MAPK8IP3: variants seen among roughly 807,000 people sequenced by gnomAD.
The protein encoded by MAPK8IP3 is mitogen-activated protein kinase 8 interacting protein 3.
In MAPK8IP3, 49 loss-of-function variants were observed where a neutral mutation model predicts 157.8. The ratio of observed to expected loss-of-function variants is 0.31; its 90% CI spans 0.25 to 0.39. The LOEUF is 0.39. Among genes scored for constraint, MAPK8IP3 ranks in the 10% least tolerant of loss-of-function variants. MAPK8IP3 has a pLI of 1.00. For synonymous variants in MAPK8IP3, 897 were observed against 777.7 expected (o/e 1.15, Z -2.55); for missense variants, 1,478 against 1,889.4 (o/e 0.78, Z 4.04).
chr16:1,725,310 G>A (rs1293338172), intron 2 of MAPK8IP3, among the ~76,000 whole-genome samples: 2 of 151,190 alleles, frequency 1.3e-5, no homozygotes, highest in Non-Finnish European at 2.9e-5. Context: ...TGCCGTGTGG[G>A]CACACAGAGA....
intron 1 of MAPK8IP3, among the ~76,000 whole-genome samples, chr16:1,717,562 T>C (rs2038237002): frequency 6.6e-6 from 1 of 152,248 alleles, no homozygotes; most frequent in South Asian, 2.1e-4. Flanking sequence ...GTTAGATAGG[T>C]GGTCGTGTCA....
rs2042288087 is a variant in MAPK8IP3, at chr16:1,766,770, C to A, written c.2987C>A (p.Ser996Tyr). ...AVANWKKCLHSIKLKDSVLSL... is the reference protein window; with the variant it reads ...AVANWKKCLHYIKLKDSVLSL... The stretch of plus-strand genomic sequence containing the variant: ...GCCAACTGGAAGAAGTGCCTGCACT[C>A]CATCAAGCTGAAGGATTCTGTGCTG... Residue 996 changes from serine (S) to tyrosine (Y), a missense_variant, in exon 24 of 32, where the codon TCC (serine) becomes TAC (tyrosine). By Grantham distance (144) the Ser-to-Tyr change is moderately radical (BLOSUM62 -2). Transcript: ENST00000610761. 1 of 1,612,756 alleles carries A rather than the reference C, an allele frequency of 6.2e-7. No individual in the cohort carries two copies. The highest frequency in any genetic ancestry group is 1.7e-5 in the Admixed American group (1 of 60,006).
chr16:1,707,369 G>T (rs1410169065), intron 1 of MAPK8IP3: 3 of 152,266 alleles, frequency 2.0e-5, no homozygotes, highest in Non-Finnish European at 4.4e-5. Flanking sequence ...TGATGTCTTT[G>T]CCCCCTTGGT....
intron 8 of MAPK8IP3, among the ~76,000 whole-genome samples, chr16:1,749,245 C>CA (rs1189993847): frequency 6.6e-6 from 1 of 152,188 alleles, no homozygotes; most frequent in African/African-American, 2.4e-5. Flanking sequence ...GTGGGGCAGC[C>CA]ACCCCCATGA....
intron 26 of MAPK8IP3, 108 bp downstream of exon 26, chr16:1,767,405 C>A: frequency 1.3e-6 from 2 of 1,516,660 alleles, no homozygotes; most frequent in Non-Finnish European, 1.8e-6. Flanking sequence ...GTCCCATCTC[C>A]CCTGTACCAC....
chr16:1,756,460 G>T (rs971535600), intron 8 of MAPK8IP3, among the ~76,000 whole-genome samples: 1 of 152,034 alleles, frequency 6.6e-6, no homozygotes, highest in African/African-American at 2.4e-5. Flanking sequence ...TCACTCCAAC[G>T]TGGGTGACAG....
rs2141879839 is a variant in MAPK8IP3 at position 1,751,659 on chromosome 16, C to G, written c.1216+2939C>G. 6.6e-6 allele frequency: 1 copy of G among 152,328 alleles called. No homozygotes were observed. Among genetic ancestry groups the G allele is most frequent in the Admixed American group, 6.5e-5 (1 of 15,300 alleles). 9.4% of individuals were successfully genotyped at this position (152,328 alleles called of 1,614,324 possible). A position where few individuals can be genotyped will look rare whatever the true frequency, so the allele number is the denominator to read the frequency against. Reference sequence around the variant, plus strand: ...TGGGTCTTAGCATGCTCGGTGTTGACAGTCACATCGTCTTCACCCCCAAAA... The same window carrying G: ...TGGGTCTTAGCATGCTCGGTGTTGAGAGTCACATCGTCTTCACCCCCAAAA... On this transcript the variant is annotated intron_variant, in intron 8 of 31. Transcript: ENST00000610761. This position sits in a 1 kb window ranked among gnomAD's most constrained non-coding sequence, Gnocchi z 5.0.
chr16:1,734,165 C>T (rs1438934640), intron 4 of MAPK8IP3, among the ~76,000 whole-genome samples: 1 of 152,224 alleles, frequency 6.6e-6, no homozygotes, highest in African/African-American at 2.4e-5. Flanking sequence ...GGCCTCCTTG[C>T]CAGATCTCCA....
In MAPK8IP3 at chr16:1,744,538, C is replaced by T. The variant is rs1364786087; in HGVS notation, c.747+1062C>T. ...GGCTGGAGAGAGGGTGGCGGGGCTG[C>T]GGGCTCCCCGGGCCTTCTGGGCCCA... is the stretch of plus-strand genomic sequence containing the variant. On this transcript the variant is annotated intron_variant, in intron 5 of 31. Transcript: ENST00000610761. 5 of 985,432 alleles carry T rather than the reference C, an allele frequency of 5.1e-6. No homozygotes were observed. In the South Asian group the frequency reaches 1.4e-4, roughly 28 times the overall value. The allele number at this position is 985,432 out of a possible 1,614,324, so 61.0% of individuals were successfully genotyped here. A position where few individuals can be genotyped will look rare whatever the true frequency, so the allele number is the denominator to read the frequency against.
chr16:1,730,268 T>TA (rs1260198573), intron 4 of MAPK8IP3, among the ~76,000 whole-genome samples: 1 of 151,242 alleles, frequency 6.6e-6, no homozygotes, highest in African/African-American at 2.4e-5. Context: ...TCTAAAAAAA[T>TA]AAAAAAAGAA....
intron 1 of MAPK8IP3, among the ~76,000 whole-genome samples, chr16:1,712,456 C>T (rs948218385): frequency 5.3e-5 from 8 of 152,260 alleles, no homozygotes; most frequent in African/African-American, 1.2e-4. Flanking sequence ...CCACTCCCAC[C>T]GCCGCCACTT....
At chr16:1,738,665 T>C (rs536783681) in intron 4 of MAPK8IP3, among the ~76,000 whole-genome samples, 38 of 127,434 alleles carry the variant, frequency 3.0e-4, no homozygotes, top group African/African-American at 1.1e-3. Context: ...TGACCATCCA[T>C]GTGAGCATGT....
chr16:1,747,034 A>G lies in MAPK8IP3; in HGVS notation c.753A>G (p.Pro251=), dbSNP rs961848817. 1 of 1,613,338 alleles carries G rather than the reference A, an allele frequency of 6.2e-7. No individual in the cohort carries two copies. Among genetic ancestry groups the G allele is most frequent in the African/African-American group, 1.3e-5 (1 of 74,924 alleles). ...QLQSSSSYQC[P]QDEMSESGQS... is the part of the protein sequence containing the mutation. ...CTCCCTGTGTTTGGCCTTAGTGTCC[A>G]CAGGATGAAATGTCCGAGTCAGGCC... Residue 251 remains proline (P), a synonymous_variant, in exon 6 of 32, where the codon CCA becomes CCG. Transcript: ENST00000610761.
rs145083637 is a variant in MAPK8IP3 at position 1,735,014 on chromosome 16, C to T, written c.602+5436C>T. On this transcript the variant is annotated intron_variant, in intron 4 of 31. Coordinates refer to ENST00000610761, the MANE Select transcript of MAPK8IP3 (RefSeq NM_001318852.2). ...GTGCCATGTGTACACACGTGCCAGGCGCTGTCTTGAGACATTCGCGCAGTG... is the reference window on the plus strand; with the variant it reads ...GTGCCATGTGTACACACGTGCCAGGTGCTGTCTTGAGACATTCGCGCAGTG... 385 of 154,582 alleles carry T rather than the reference C, an allele frequency of 2.5e-3. 1 individual carries two copies. Among genetic ancestry groups the T allele is most frequent in the African/African-American group, 8.5e-3 (353 of 41,666 alleles). The allele number at this position is 154,582 out of a possible 1,614,324, so 9.6% of individuals were successfully genotyped here. A position where few individuals can be genotyped will look rare whatever the true frequency, so the allele number is the denominator to read the frequency against.
intron 8 of MAPK8IP3, among the ~76,000 whole-genome samples, chr16:1,752,925 C>T (rs1306522356): frequency 2.0e-5 from 3 of 152,156 alleles, no homozygotes; most frequent in South Asian, 2.1e-4. Context: ...CTAATCAACT[C>T]GCCCCATGTC....
In MAPK8IP3 at chr16:1,748,837, T is replaced by C. The variant is rs377577431; in HGVS notation, c.1216+117T>C. On this transcript the variant is annotated intron_variant, in intron 8 of 31. Coordinates refer to ENST00000610761, the MANE Select transcript of MAPK8IP3 (RefSeq NM_001318852.2). ...GTCAGCTGTGAGCTAGGAACCTTTT[T>C]TTTTCCAGCTTTGTTGAGTTGCGTT... is the stretch of plus-strand genomic sequence containing the variant. 43 of 920,364 alleles carry C rather than the reference T, an allele frequency of 4.7e-5. No homozygotes were observed. In the African/African-American group the frequency reaches 6.2e-4, roughly 13 times the overall value. The allele number at this position is 920,364 out of a possible 1,614,324, so 57.0% of individuals were successfully genotyped here. A position where few individuals can be genotyped will look rare whatever the true frequency, so the allele number is the denominator to read the frequency against.
intron 4 of MAPK8IP3, among the ~76,000 whole-genome samples, chr16:1,738,139 T>A (rs1284115303): frequency 2.3e-5 from 2 of 88,880 alleles, no homozygotes; most frequent in Admixed American, 1.1e-4. Flanking sequence ...TGTCCGTGTG[T>A]GTGACCATCC....
At chr16:1,711,615 C>T (rs563785706) in intron 1 of MAPK8IP3, among the ~76,000 whole-genome samples, 120 of 152,308 alleles carry the variant, frequency 7.9e-4, no homozygotes, top group African/African-American at 2.8e-3. Context: ...GGTGCCGGCT[C>T]TCCGGACTTG....
At chr16:1,760,079 T>A (rs1596764980) in intron 11 of MAPK8IP3, 64 bp downstream of exon 11, 1 of 1,586,376 alleles carries the variant, frequency 6.3e-7, no homozygotes, top group East Asian at 2.2e-5. Context: ...GCTGGGAGAG[T>A]GAGCCGGGCC....
Sources: allele counts gnomAD v4.1 joint callset (sites outside exome capture counted in the v4.1 genomes callset), GRCh38; gene constraint gnomAD v4.1.1; non-coding constraint Gnocchi (gnomAD v3.1); transcripts MANE v1.5; gene names NCBI Gene and HGNC (gene_info 2026-07-23, HGNC 2026-07-21).